Variants in C10orf67 observed in about 807,000 individuals in gnomAD.
C10orf67 encodes the protein uncharacterized protein C10orf67, mitochondrial.
C10orf67 carries 60 observed loss-of-function variants against 35.6 expected under a neutral mutation model. That is an observed-to-expected ratio of 1.68 (90% confidence interval 1.37 to 2.09). The LOEUF (loss-of-function observed/expected upper bound fraction) is 2.09. Among genes scored for constraint, C10orf67 ranks in the 30% most tolerant of loss-of-function variants. The pLI is 0.00. For synonymous variants in C10orf67, 167 were observed against 115.8 expected (o/e 1.44, Z -2.84); for missense variants, 474 against 330.2 (o/e 1.44, Z -3.38).
intron 15 of C10orf67, among the ~76,000 whole-genome samples, chr10:23,208,628 T>C (rs990332853): frequency 6.6e-6 from 1 of 152,160 alleles, no homozygotes; most frequent in Non-Finnish European, 1.5e-5. Context: ...AGGCCTTTGC[T>C]TAGGTTTTCA....
intron 5 of C10orf67, among the ~76,000 whole-genome samples, chr10:23,295,350 C>A (rs1448077685): frequency 6.6e-6 from 1 of 152,146 alleles, no homozygotes; most frequent in Non-Finnish European, 1.5e-5. Flanking sequence ...GGCCAGGTAA[C>A]CAGCTGAAGA....
chr10:23,276,969 C>T (rs1588642536), intron 8 of C10orf67, among the ~76,000 whole-genome samples: 1 of 152,098 alleles, frequency 6.6e-6, no homozygotes, highest in African/African-American at 2.4e-5. Flanking sequence ...ACGGATAAGA[C>T]ATTTCACTTA....
intron 13 of C10orf67, among the ~76,000 whole-genome samples, chr10:23,233,670 A>G (rs2132126086): frequency 6.6e-6 from 1 of 152,342 alleles, no homozygotes; most frequent in Non-Finnish European, 1.5e-5. Context: ...GAGTAAATTA[A>G]CAAAGACTAG....
At chr10:23,316,007 C>T (rs1306103238) in intron 4 of C10orf67, among the ~76,000 whole-genome samples, 3 of 152,154 alleles carry the variant, frequency 2.0e-5, no homozygotes, top group Non-Finnish European at 2.9e-5. Context: ...TGTTGCTTTG[C>T]CAGCCAGAAA....
chr10:23,212,620 C>A (rs1050075074), intron 15 of C10orf67, among the ~76,000 whole-genome samples: 1 of 152,160 alleles, frequency 6.6e-6, no homozygotes, highest in African/African-American at 2.4e-5. Context: ...TCACTTCATG[C>A]AGAGGAACTG....
chr10:23,226,825 A>C (rs921447161), intron 13 of C10orf67, among the ~76,000 whole-genome samples: 11 of 152,258 alleles, frequency 7.2e-5, no homozygotes, highest in African/African-American at 2.7e-4. Context: ...TATGCAAATA[A>C]ACTAGAAAAT....
chr10:23,238,285 C>T (rs1588604214), intron 13 of C10orf67, among the ~76,000 whole-genome samples: 1 of 152,242 alleles, frequency 6.6e-6, no homozygotes, highest in Non-Finnish European at 1.5e-5. Flanking sequence ...CACTTGCTTA[C>T]TCTTTCTCTC....
rs555735471 is a variant in C10orf67 at position 23,220,190 on chromosome 10, A to C, written c.1570+3408T>G. ...CCATCTCAAGAAAAAAAAAAGCAGT[A>C]GAGATTAGCTGTTTTAATTTATTAG... is the stretch of plus-strand genomic sequence containing the variant. On this transcript the variant is annotated intron_variant, in intron 15 of 15. Transcript: ENST00000636213. 4.6e-5 allele frequency among the ~76,000 whole-genome samples: 7 copies of C among 152,224 alleles called. No homozygotes were observed. In the East Asian group the frequency reaches 1.4e-3, roughly 29 times the overall value.
chr10:23,241,502 T>G (rs1216939094), intron 12 of C10orf67, among the ~76,000 whole-genome samples: 1 of 152,184 alleles, frequency 6.6e-6, no homozygotes, highest in Non-Finnish European at 1.5e-5. Context: ...GAAGGTTGAC[T>G]GTAGTAGAGT....
intron 13 of C10orf67, among the ~76,000 whole-genome samples, chr10:23,236,945 A>T (rs1336953485): frequency 6.6e-6 from 1 of 152,126 alleles, no homozygotes; most frequent in East Asian, 1.9e-4. Context: ...TACACAGGTA[A>T]ATTGTGTATC....
chr10:23,273,278 C>G (rs1426611191), intron 8 of C10orf67, among the ~76,000 whole-genome samples: 1 of 152,164 alleles, frequency 6.6e-6, no homozygotes, highest in African/African-American at 2.4e-5. Flanking sequence ...GACTCAAAAT[C>G]TTCATCCTTT....
intron 13 of C10orf67, among the ~76,000 whole-genome samples, chr10:23,232,499 T>C (rs1349817609): frequency 1.3e-5 from 2 of 152,228 alleles, no homozygotes; most frequent in African/African-American, 2.4e-5. Flanking sequence ...GCATTTAGTT[T>C]GCCACGGTAT....
At chr10:23,246,457 A>G (rs1460224595) in intron 12 of C10orf67, among the ~76,000 whole-genome samples, 1 of 152,260 alleles carries the variant, frequency 6.6e-6, no homozygotes, top group Non-Finnish European at 1.5e-5. Context: ...TATTTCTTTG[A>G]AATAAATAAC....
intron 8 of C10orf67, among the ~76,000 whole-genome samples, chr10:23,276,321 G>T (rs1222160641): frequency 2.0e-5 from 3 of 152,264 alleles, no homozygotes; most frequent in Non-Finnish European, 4.4e-5. Context: ...CTCAGGGGGG[G>T]ATAAAGGGAG....
At chr10:23,227,993 C>T (rs957534155) in intron 13 of C10orf67, among the ~76,000 whole-genome samples, 13 of 152,116 alleles carry the variant, frequency 8.5e-5, no homozygotes, top group Admixed American at 3.3e-4. Flanking sequence ...GAATCAATAT[C>T]GTGAAAATGG....
chr10:23,230,147 T>C (rs1424525740), intron 13 of C10orf67, among the ~76,000 whole-genome samples: 4 of 152,094 alleles, frequency 2.6e-5, no homozygotes, highest in Non-Finnish European at 5.9e-5. Context: ...GTGAAACAGA[T>C]TGAGTCAGAA....
chr10:23,290,656 G>A (rs1208165232), intron 6 of C10orf67, among the ~76,000 whole-genome samples: 1 of 152,212 alleles, frequency 6.6e-6, no homozygotes, highest in Non-Finnish European at 1.5e-5. Flanking sequence ...ATGAAATTGT[G>A]TATTTAAGCT....
intron 4 of C10orf67, chr10:23,318,620 G>A (rs1844826834): frequency 2.8e-6 from 1 of 361,588 alleles, no homozygotes; most frequent in Non-Finnish European, 5.0e-6. Context: ...CACAAGAGCA[G>A]GTAAGTGGGA....
intron 1 of C10orf67, among the ~76,000 whole-genome samples, chr10:23,340,398 C>T (rs1845840533): frequency 6.6e-6 from 1 of 150,964 alleles, no homozygotes; most frequent in Non-Finnish European, 1.5e-5. Flanking sequence ...CACACACCGG[C>T]GGCTCCACCT....
Sources: allele counts gnomAD v4.1 joint callset (sites outside exome capture counted in the v4.1 genomes callset), GRCh38; gene constraint gnomAD v4.1.1; transcripts MANE v1.5; gene names NCBI Gene and HGNC (gene_info 2026-07-23, HGNC 2026-07-21).